MCU: variants seen among roughly 807,000 people sequenced by gnomAD.
MCU encodes the protein calcium uniporter protein, mitochondrial.
A neutral mutation model predicts 45.2 loss-of-function variants in MCU; 12 were observed. That is an observed-to-expected ratio of 0.27 (90% CI 0.17 to 0.43). The LOEUF (loss-of-function observed/expected upper bound fraction) is 0.43. Among genes scored for constraint, MCU ranks in the 20% least tolerant of loss-of-function variants. MCU has a pLI of 1.00. For missense variants in MCU, 324 were observed against 436.7 expected (o/e 0.74, Z 2.30); for synonymous variants, 160 against 165.1 (o/e 0.97, Z 0.24).
At chr10:72,738,249 A>G (rs987037677) in intron 1 of MCU, among the ~76,000 whole-genome samples, 1 of 152,106 alleles carries the variant, frequency 6.6e-6, no homozygotes, top group Non-Finnish European at 1.5e-5. Flanking sequence ...GGCTCTGAGA[A>G]ATTGCTCCCA....
At chr10:72,804,048 ATATATATATATATATATATATATAT>A (rs1158754760) in intron 1 of MCU, among the ~76,000 whole-genome samples, 2 of 86,000 alleles carry the variant, frequency 2.3e-5, no homozygotes, top group African/African-American at 9.4e-5. Context: ...ATATATATAT[ATATATATATATATATATATATATAT>A]AAAATAAGAG....
At chr10:72,765,156 T>A (rs769456669) in intron 1 of MCU, among the ~76,000 whole-genome samples, 3 of 151,994 alleles carry the variant, frequency 2.0e-5, no homozygotes, top group Non-Finnish European at 4.4e-5. Flanking sequence ...GATTTTTGTG[T>A]TTTGGCCCTT....
Position 72,698,114 on chromosome 10 carries a change from T to A in MCU, c.150+5813T>A, listed in dbSNP as rs533845477. On this transcript the variant is annotated intron_variant, in intron 1 of 7. Transcript: ENST00000373053. Reference sequence around the variant, plus strand: ...TGCTTATTTTAAAACTCATAAAATATCTGAATAAATGAACTTGGATATCTT... The same window carrying A: ...TGCTTATTTTAAAACTCATAAAATAACTGAATAAATGAACTTGGATATCTT... Among the ~76,000 whole-genome samples the A allele has an allele frequency of 2.0e-3, 311 of 152,276 alleles. 1 individual carries two copies. The highest frequency in any genetic ancestry group is 7.0e-3 in the African/African-American group (289 of 41,560).
At chr10:72,763,454 G>C (rs958968724) in intron 1 of MCU, among the ~76,000 whole-genome samples, 2 of 152,094 alleles carry the variant, frequency 1.3e-5, no homozygotes, top group Non-Finnish European at 2.9e-5. Context: ...TTTGAGCTAA[G>C]GGGAGCTACA....
At chr10:72,834,284 T>C (rs1197925774) in intron 1 of MCU, 75 bp from the exon 2 acceptor site, 11 of 991,026 alleles carry the variant, frequency 1.1e-5, no homozygotes, top group Admixed American at 4.2e-5. Context: ...TATGTATATA[T>C]TTATTATATA....
intron 1 of MCU, chr10:72,692,569 ACGGGACTTGAACCTCT>A: frequency 9.2e-7 from 1 of 1,092,756 alleles, no homozygotes; most frequent in Non-Finnish European, 1.1e-6. Context: ...CGGGGAAGGC[ACGGGACTTGAACCTCT>A]CCCCGACTCG....
chr10:72,785,311 C>G (rs1436874053), intron 1 of MCU, among the ~76,000 whole-genome samples: 2 of 152,162 alleles, frequency 1.3e-5, no homozygotes, highest in Non-Finnish European at 2.9e-5. Context: ...TCTGTTGTCT[C>G]CCTGTCTCCC....
intron 1 of MCU, among the ~76,000 whole-genome samples, chr10:72,758,254 G>A (rs1843605627): frequency 6.6e-6 from 1 of 152,168 alleles, no homozygotes; most frequent in Non-Finnish European, 1.5e-5. Context: ...TGTCCAGGTT[G>A]GCCTCAAACA....
intron 1 of MCU, among the ~76,000 whole-genome samples, chr10:72,718,643 C>T (rs542522327): frequency 6.6e-6 from 1 of 152,220 alleles, no homozygotes; most frequent in Non-Finnish European, 1.5e-5. Context: ...TAGGTTTATA[C>T]AAAACAGAAT....
chr10:72,765,439 A>G (rs1843712093), intron 1 of MCU, among the ~76,000 whole-genome samples: 1 of 152,022 alleles, frequency 6.6e-6, no homozygotes, highest in Admixed American at 6.6e-5. Context: ...AAAGATTATT[A>G]TTTTAATAAT....
At chr10:72,835,734 T>C (rs1327154498) in intron 2 of MCU, among the ~76,000 whole-genome samples, 1 of 152,176 alleles carries the variant, frequency 6.6e-6, no homozygotes, top group Non-Finnish European at 1.5e-5. Context: ...AGGAAAATAT[T>C]AGCTGGCTCT....
chr10:72,733,307 A>T (rs1013010144), intron 1 of MCU, among the ~76,000 whole-genome samples: 2 of 152,148 alleles, frequency 1.3e-5, no homozygotes, highest in African/African-American at 4.8e-5. Context: ...AGATACAAAA[A>T]TTAGCTGGGT....
chr10:72,816,400 C>T (rs569982791), intron 1 of MCU, among the ~76,000 whole-genome samples: 2 of 152,192 alleles, frequency 1.3e-5, no homozygotes, highest in South Asian at 4.2e-4. Flanking sequence ...AGGAAATTTC[C>T]TCTGGCTTCC....
intron 1 of MCU, among the ~76,000 whole-genome samples, chr10:72,793,205 C>T (rs1844193694): frequency 1.3e-5 from 2 of 152,070 alleles, no homozygotes; most frequent in South Asian, 4.1e-4. Flanking sequence ...AGGCTTACTG[C>T]CACAATATAG....
At chr10:72,868,277 G>T (rs771600428) in intron 4 of MCU, among the ~76,000 whole-genome samples, 15 of 152,132 alleles carry the variant, frequency 9.9e-5, no homozygotes, top group South Asian at 8.3e-4. Flanking sequence ...GGCTGGGCAT[G>T]GTGGCTAATG....
At chr10:72,811,425 G>T (rs547409966) in intron 1 of MCU, among the ~76,000 whole-genome samples, 1 of 152,146 alleles carries the variant, frequency 6.6e-6, no homozygotes, top group South Asian at 2.1e-4. Context: ...AATGAGAAGA[G>T]GGCCAATATA....
At chr10:72,832,335 C>A (rs931271104) in intron 1 of MCU, among the ~76,000 whole-genome samples, 25 of 152,264 alleles carry the variant, frequency 1.6e-4, no homozygotes, top group Admixed American at 1.5e-3. Flanking sequence ...TAGGCTAATT[C>A]TCCTATTAAA....
At chr10:72,854,001 G>GT (rs1291477559) in intron 2 of MCU, among the ~76,000 whole-genome samples, 1 of 152,098 alleles carries the variant, frequency 6.6e-6, no homozygotes, top group Non-Finnish European at 1.5e-5. Flanking sequence ...AAGTGTGGTG[G>GT]TGTGTACCTG....
At chr10:72,739,828 C>T (rs1184851926) in intron 1 of MCU, among the ~76,000 whole-genome samples, 1 of 151,832 alleles carries the variant, frequency 6.6e-6, no homozygotes, top group East Asian at 2.0e-4. Context: ...AGGTGCACAC[C>T]ACCATGCCTG....
Sources: gnomAD v4.1 joint callset for allele counts (sites outside exome capture counted in the v4.1 genomes callset) on GRCh38, gnomAD v4.1.1 for gene constraint, MANE v1.5 for transcripts, NCBI Gene and HGNC (gene_info 2026-07-23, HGNC 2026-07-21) for gene names.